Variants in ATRNL1 observed in about 807,000 individuals in gnomAD.
ATRNL1 encodes attractin-like protein 1.
A neutral mutation model predicts 182.7 loss-of-function variants in ATRNL1; 95 were observed. The ratio of observed to expected loss-of-function variants is 0.52; its 90% confidence interval spans 0.44 to 0.62. The LOEUF (loss-of-function observed/expected upper bound fraction) is 0.62, where lower values mean the gene tolerates loss of function less well. ATRNL1 is among the 20% of genes least tolerant of loss of function. The pLI, the probability that ATRNL1 is intolerant of heterozygous loss-of-function variation, is 0.00. For synonymous variants in ATRNL1, 576 were observed against 568.3 expected (o/e 1.01, Z -0.19); for missense variants, 1,471 against 1,679.5 (o/e 0.88, Z 2.17).
At chr10:115,355,104 G>A (rs1409474670) in intron 19 of ATRNL1, among the ~76,000 whole-genome samples, 2 of 151,904 alleles carry the variant, frequency 1.3e-5, no homozygotes, top group Non-Finnish European at 2.9e-5. Flanking sequence ...CTTTGTCTGA[G>A]AATATATGTA....
At chr10:115,386,980 C>T (rs1046395984) in intron 19 of ATRNL1, among the ~76,000 whole-genome samples, 3 of 151,568 alleles carry the variant, frequency 2.0e-5, no homozygotes, top group Admixed American at 2.0e-4. Context: ...ATGTTTATTG[C>T]GGCACTATTC....
chr10:115,696,916 G>T (rs1555050038), intron 26 of ATRNL1, among the ~76,000 whole-genome samples: 2 of 148,706 alleles, frequency 1.3e-5, no homozygotes, highest in Non-Finnish European at 3.0e-5. Context: ...AGCTAGGGGG[G>T]AAATGCCACA....
At chr10:115,146,140 A>G (rs1260981279) in intron 5 of ATRNL1, among the ~76,000 whole-genome samples, 2 of 152,134 alleles carry the variant, frequency 1.3e-5, no homozygotes, top group Non-Finnish European at 2.9e-5. Context: ...ATATTTATTT[A>G]ATGTGTTCAG....
chr10:115,498,991 T>C (rs1849684333), intron 24 of ATRNL1, among the ~76,000 whole-genome samples: 1 of 152,018 alleles, frequency 6.6e-6, no homozygotes, highest in African/African-American at 2.4e-5. Context: ...CAGAAAAAGA[T>C]AGGTTATGAA....
At chr10:115,874,547 AT>A (rs1463854438) in intron 28 of ATRNL1, among the ~76,000 whole-genome samples, 7 of 152,246 alleles carry the variant, frequency 4.6e-5, no homozygotes, top group African/African-American at 1.7e-4. Flanking sequence ...CATTTAGATA[AT>A]CACTTCTCTG....
At chr10:115,171,824 ATACCTT>A (rs1283938778) in intron 8 of ATRNL1, among the ~76,000 whole-genome samples, 1 of 152,040 alleles carries the variant, frequency 6.6e-6, no homozygotes, top group Non-Finnish European at 1.5e-5. Context: ...TTTTTGTACT[ATACCTT>A]TACTCCATTT....
chr10:115,901,493 T>G lies in ATRNL1; in HGVS notation c.4019-43165T>G, dbSNP rs145170931. ...GACAAACCAAAATGGTAACTGTTAA[T>G]TGATGGCAGGTTTTTAGGCAGTGGG... On this transcript the variant is annotated intron_variant, in intron 28 of 28. Transcript: ENST00000355044. 6.5e-3 allele frequency among the ~76,000 whole-genome samples: 997 copies of G among 152,308 alleles called. 12 individuals carry two copies. Among genetic ancestry groups the G allele is most frequent in the Non-Finnish European group, 9.3e-3 (636 of 68,022 alleles).
At chr10:115,233,946 A>G (rs1310830855) in intron 9 of ATRNL1, among the ~76,000 whole-genome samples, 1 of 151,444 alleles carries the variant, frequency 6.6e-6, no homozygotes, top group Non-Finnish European at 1.5e-5. Flanking sequence ...TTTTTTTGAG[A>G]TATTCATGTC....
chr10:115,116,349 C>A (rs1165131308), intron 1 of ATRNL1, among the ~76,000 whole-genome samples: 4 of 151,966 alleles, frequency 2.6e-5, no homozygotes, highest in Admixed American at 2.6e-4. Context: ...TATGTAAGAG[C>A]CTATTTTACT....
At chr10:115,789,272 T>G (rs1359231218) in intron 27 of ATRNL1, among the ~76,000 whole-genome samples, 4 of 152,198 alleles carry the variant, frequency 2.6e-5, no homozygotes, top group African/African-American at 9.7e-5. Flanking sequence ...ATAGGCAAAT[T>G]TGTTTTATCT....
intron 15 of ATRNL1, 124 bp from the exon 16 acceptor site, chr10:115,299,910 A>T (rs1231839197): frequency 6.0e-6 from 4 of 667,472 alleles, no homozygotes; most frequent in Admixed American, 3.0e-5. Flanking sequence ...ACTAAAACTC[A>T]TTAGAAAGGC....
intron 22 of ATRNL1, among the ~76,000 whole-genome samples, chr10:115,465,600 TAATC>T (rs1275211800): frequency 1.0e-5 from 1 of 96,672 alleles, no homozygotes; most frequent in African/African-American, 3.0e-5. Flanking sequence ...TATTAATTGA[TAATC>T]AATAGAAAAT....
intron 8 of ATRNL1, among the ~76,000 whole-genome samples, chr10:115,208,697 G>GT (rs1294208763): frequency 6.6e-6 from 1 of 151,998 alleles, no homozygotes; most frequent in Non-Finnish European, 1.5e-5. Context: ...GTGTTTACTA[G>GT]TTTTTTCTTG....
At position 115,223,929 on chromosome 10, in the gene ATRNL1, A is replaced by ATATATATTTTTT. The variant is rs1420143943; in HGVS notation, c.1532+8050_1532+8051insATATATTTTTTT. On this transcript the variant is annotated intron_variant, in intron 9 of 28. Transcript: ENST00000355044. ...TGTGTGTGTGTATATATATATATAT[A>ATATATATTTTTT]TTTTTTTTTTTTTTTTTTTTCTTTG... Among the ~76,000 whole-genome samples, 104 of 44,726 alleles carry ATATATATTTTTT rather than the reference A, an allele frequency of 2.3e-3. 3 individuals are homozygous for ATATATATTTTTT. The highest frequency in any genetic ancestry group is 3.7e-3 in the East Asian group (10 of 2,674). The allele number at this position is 44,726 out of a possible 152,430, so 29.3% of individuals were successfully genotyped here.
At chr10:115,828,793 C>T (rs782037677) in intron 27 of ATRNL1, among the ~76,000 whole-genome samples, 13 of 152,056 alleles carry the variant, frequency 8.5e-5, no homozygotes, top group Non-Finnish European at 8.8e-5. Context: ...CTAGTCTGTG[C>T]GAGTAGTGAA....
intron 28 of ATRNL1, among the ~76,000 whole-genome samples, chr10:115,881,640 A>C (rs1951829488): frequency 6.6e-6 from 1 of 152,230 alleles, no homozygotes; most frequent in African/African-American, 2.4e-5. Flanking sequence ...TAACATTGAC[A>C]GAGCCCTGCC....
intron 26 of ATRNL1, among the ~76,000 whole-genome samples, chr10:115,614,098 C>G (rs1555019952): frequency 6.6e-6 from 1 of 151,582 alleles, no homozygotes; most frequent in Non-Finnish European, 1.5e-5. Context: ...TTTTTTAGTT[C>G]CTTGAGGTGC....
chr10:115,534,457 G>A (rs915329645), intron 25 of ATRNL1, among the ~76,000 whole-genome samples: 18 of 152,324 alleles, frequency 1.2e-4, no homozygotes, highest in African/African-American at 4.3e-4. Flanking sequence ...CATTTGCTTG[G>A]CAGATCTTCC....
intron 28 of ATRNL1, among the ~76,000 whole-genome samples, chr10:115,871,473 G>GTATATATA (rs1391895391): frequency 1.3e-4 from 2 of 15,022 alleles, no homozygotes; most frequent in African/African-American, 2.9e-4. Flanking sequence ...GATTCTTTGT[G>GTATATATA]TGTGTGTATA....
Sources: allele counts gnomAD v4.1 joint callset (sites outside exome capture counted in the v4.1 genomes callset), GRCh38; gene constraint gnomAD v4.1.1; transcripts MANE v1.5; gene names NCBI Gene and HGNC (gene_info 2026-07-23, HGNC 2026-07-21).